KCNAB1: variants seen among roughly 807,000 people sequenced by gnomAD.
The protein encoded by KCNAB1 is voltage-gated potassium channel subunit beta-1.
A neutral mutation model predicts 64.6 loss-of-function variants in KCNAB1; 35 were observed. The observed-to-expected ratio is 0.54, with a 90% CI of 0.41 to 0.72. KCNAB1 has a LOEUF of 0.72. Among genes scored for constraint, KCNAB1 ranks in the 30% least tolerant of loss-of-function variants. KCNAB1 has a pLI of 0.00. For synonymous variants in KCNAB1, 177 were observed against 183.8 expected (o/e 0.96, Z 0.30); for missense variants, 401 against 512.9 (o/e 0.78, Z 2.11).
chr3:156,524,622 C>T (rs1262344996), intron 12 of KCNAB1, among the ~76,000 whole-genome samples: 1 of 151,944 alleles, frequency 6.6e-6, no homozygotes, highest in East Asian at 1.9e-4. Flanking sequence ...TGGTGGGTGC[C>T]TGTAGTCCCA....
chr3:156,530,322 G>A (rs1718615486), intron 12 of KCNAB1, among the ~76,000 whole-genome samples: 1 of 152,198 alleles, frequency 6.6e-6, no homozygotes, highest in Non-Finnish European at 1.5e-5. Flanking sequence ...GGATATGGAT[G>A]TGGATGCTTA....
intron 1 of KCNAB1, among the ~76,000 whole-genome samples, chr3:156,330,590 C>T (rs1723268396): frequency 6.6e-6 from 1 of 152,162 alleles, no homozygotes; most frequent in South Asian, 2.1e-4. Flanking sequence ...AAGATGAGCT[C>T]AAAAGGACAG....
intron 1 of KCNAB1, among the ~76,000 whole-genome samples, chr3:156,202,175 C>T (rs1361497835): frequency 6.6e-6 from 1 of 152,154 alleles, no homozygotes; most frequent in African/African-American, 2.4e-5. Flanking sequence ...TCAACACTGG[C>T]TGGAGTTCTG....
intron 1 of KCNAB1, among the ~76,000 whole-genome samples, chr3:156,190,425 A>T (rs1713489452): frequency 6.6e-6 from 1 of 152,334 alleles, no homozygotes; most frequent in Non-Finnish European, 1.5e-5. Flanking sequence ...AAGCATCAAA[A>T]GTAGAAAAAA....
chr3:156,156,384 A>AT (rs1715722806), intron 1 of KCNAB1, among the ~76,000 whole-genome samples: 1 of 152,188 alleles, frequency 6.6e-6, no homozygotes, highest in Non-Finnish European at 1.5e-5. Flanking sequence ...GATTTGAATT[A>AT]TTTTTTAAAA....
intron 1 of KCNAB1, among the ~76,000 whole-genome samples, chr3:156,177,676 C>T (rs1314239642): frequency 1.3e-5 from 2 of 151,706 alleles, no homozygotes; most frequent in Non-Finnish European, 2.9e-5. Context: ...TGCGCCCGGC[C>T]GTTTTTAATT....
At chr3:156,196,203 T>A (rs1713922683) in intron 1 of KCNAB1, among the ~76,000 whole-genome samples, 1 of 152,210 alleles carries the variant, frequency 6.6e-6, no homozygotes, top group African/African-American at 2.4e-5. Context: ...GCTGTTTTTG[T>A]TACGGTTGCC....
chr3:156,151,375 G>A (rs1257297467), intron 1 of KCNAB1, among the ~76,000 whole-genome samples: 1 of 152,158 alleles, frequency 6.6e-6, no homozygotes, highest in Admixed American at 6.5e-5. Context: ...TTTTAATAGA[G>A]TGTCTGCAAA....
At position 156,395,544 on chromosome 3, in the gene KCNAB1, C is replaced by CA. The variant is rs61017269; in HGVS notation, c.276-26031dup. ...TGGGCGACAGAGCGAGACTCCGTCT[C>CA]AAAAAAAAAAAAAAAAAAAAAAAAA... On this transcript the variant is annotated intron_variant, in intron 1 of 13. Transcript: ENST00000490337. 6.3e-3 allele frequency among the ~76,000 whole-genome samples: 161 copies of CA among 25,456 alleles called. 61 individuals carry two copies. Among genetic ancestry groups the CA allele is most frequent in the East Asian group, 0.019 (11 of 586 alleles). The allele number at this position is 25,456 out of a possible 152,430, so 16.7% of individuals were successfully genotyped here.
chr3:156,266,159 C>T (rs1718689940), intron 1 of KCNAB1, among the ~76,000 whole-genome samples: 2 of 152,142 alleles, frequency 1.3e-5, no homozygotes, highest in South Asian at 2.1e-4. Context: ...ATTTTTTTCC[C>T]CATTGTTCCA....
intron 8 of KCNAB1, among the ~76,000 whole-genome samples, chr3:156,510,746 T>C (rs115102699): frequency 3.2e-4 from 49 of 152,270 alleles, no homozygotes; most frequent in African/African-American, 1.2e-3. Flanking sequence ...GTGGACACTG[T>C]TTGGGGCTGT....
chr3:156,508,259 T>C lies in KCNAB1; in HGVS notation c.659-6105T>C, dbSNP rs1340566098. 5.9e-5 allele frequency among the ~76,000 whole-genome samples: 9 copies of C among 152,212 alleles called. No individual in the cohort carries two copies. Among genetic ancestry groups the C allele is most frequent in the Admixed American group, 6.5e-5 (1 of 15,284 alleles). On this transcript the variant is annotated intron_variant, in intron 8 of 13. Coordinates refer to ENST00000490337, the MANE Select transcript of KCNAB1 (RefSeq NM_172160.3). This position sits in a 1 kb window ranked among gnomAD's most constrained non-coding sequence, Gnocchi z 4.1. ...CTTTTTTATCTTTTGCTTTTATCTCTGTGGCCAGATTAATTTGAGTACATT... is the reference window on the plus strand; with the variant it reads ...CTTTTTTATCTTTTGCTTTTATCTCCGTGGCCAGATTAATTTGAGTACATT...
At chr3:156,514,698 T>C (rs1025011968) in intron 9 of KCNAB1, among the ~76,000 whole-genome samples, 3 of 152,254 alleles carry the variant, frequency 2.0e-5, no homozygotes, top group Admixed American at 6.5e-5. Flanking sequence ...TGAGATATAT[T>C]AACAGAGTAT....
At chr3:156,186,599 G>C (rs990281919) in intron 1 of KCNAB1, among the ~76,000 whole-genome samples, 6 of 151,726 alleles carry the variant, frequency 4.0e-5, no homozygotes, top group Non-Finnish European at 7.4e-5. Flanking sequence ...GCTGCTGCCT[G>C]TCTTTCCTTC....
At chr3:156,525,365 CAAAA>C (rs550499142) in intron 12 of KCNAB1, among the ~76,000 whole-genome samples, 1 of 98,962 alleles carries the variant, frequency 1.0e-5, no homozygotes, top group Non-Finnish European at 2.2e-5. Context: ...TAGTTTTTAA[CAAAA>C]AAAAAAAAGT....
At chr3:156,347,132 T>A (rs1391365604) in intron 1 of KCNAB1, among the ~76,000 whole-genome samples, 1 of 152,164 alleles carries the variant, frequency 6.6e-6, no homozygotes, top group East Asian at 1.9e-4. Flanking sequence ...TAACACAAAT[T>A]TTAATTAGTT....
chr3:156,349,160 C>A (rs1391212058), intron 1 of KCNAB1, among the ~76,000 whole-genome samples: 1 of 152,124 alleles, frequency 6.6e-6, no homozygotes, highest in Non-Finnish European at 1.5e-5. Context: ...CATCAACTAA[C>A]AGAAATGATA....
chr3:156,152,019 C>A (rs1264162942), intron 1 of KCNAB1, among the ~76,000 whole-genome samples: 1 of 152,190 alleles, frequency 6.6e-6, no homozygotes, highest in Non-Finnish European at 1.5e-5. Flanking sequence ...TGTGGTGCCA[C>A]ACAATTGTTA....
intron 11 of KCNAB1, among the ~76,000 whole-genome samples, chr3:156,517,121 A>T (rs1215736506): frequency 3.9e-5 from 6 of 152,254 alleles, no homozygotes; most frequent in Non-Finnish European, 8.8e-5. Context: ...GAATACAGGC[A>T]TTTAAAAAAT....
Sources: allele counts gnomAD v4.1 joint callset (sites outside exome capture counted in the v4.1 genomes callset), GRCh38; gene constraint gnomAD v4.1.1; non-coding constraint Gnocchi (gnomAD v3.1); transcripts MANE v1.5; gene names NCBI Gene and HGNC (gene_info 2026-07-23, HGNC 2026-07-21).